The following DSCAM variants were observed in gnomAD, a reference collection of about 807,000 sequenced individuals.
The protein encoded by DSCAM is DS cell adhesion molecule.
A neutral mutation model predicts 217.7 loss-of-function variants in DSCAM; 47 were observed. The ratio of observed to expected loss-of-function variants is 0.22; its 90% CI spans 0.17 to 0.28. DSCAM has a LOEUF of 0.28. Ranked by LOEUF, DSCAM falls within the 10% of genes least tolerant of loss-of-function variation. DSCAM has a pLI of 1.00. For missense variants in DSCAM, 2,080 were observed against 2,618.3 expected (o/e 0.79, Z 4.49); for synonymous variants, 1,056 against 1,015.3 (o/e 1.04, Z -0.76).
At chr21:40,074,677 C>A (rs1407357783) in intron 27 of DSCAM, among the ~76,000 whole-genome samples, 1 of 152,182 alleles carries the variant, frequency 6.6e-6, no homozygotes, top group Non-Finnish European at 1.5e-5. Flanking sequence ...AATTCTCATT[C>A]CCAGAGCAAA....
At chr21:40,321,063 T>C (rs1237629916) in intron 8 of DSCAM, among the ~76,000 whole-genome samples, 4 of 152,192 alleles carry the variant, frequency 2.6e-5, no homozygotes, top group African/African-American at 9.7e-5. Context: ...AATTATGAGA[T>C]TGAAAACCAT....
At chr21:40,554,255 A>G (rs75837003) in intron 3 of DSCAM, among the ~76,000 whole-genome samples, 1,816 of 151,370 alleles carry the variant, frequency 0.012, 33 homozygotes, top group African/African-American at 0.041. Context: ...AAAACATTTT[A>G]GAACATAACT....
At chr21:40,169,883 G>A (rs974190068) in intron 15 of DSCAM, among the ~76,000 whole-genome samples, 1 of 151,842 alleles carries the variant, frequency 6.6e-6, no homozygotes, top group African/African-American at 2.4e-5. Context: ...CGTCCTTATG[G>A]GGATCCCTAT....
At chr21:40,112,062 G>A (rs184725409) in intron 20 of DSCAM, among the ~76,000 whole-genome samples, 126 of 150,850 alleles carry the variant, frequency 8.4e-4, no homozygotes, top group African/African-American at 2.5e-3. Flanking sequence ...TGCACCAAGC[G>A]GACCTAATAG....
Position 40,593,095 on chromosome 21 carries a change from GAAACCTGTT to G in DSCAM, c.508+99706_508+99714del, listed in dbSNP as rs1174436583. On this transcript the variant is annotated intron_variant, in intron 3 of 32. Coordinates refer to ENST00000400454, the MANE Select transcript of DSCAM (RefSeq NM_001389.5). ...TAAACTGAAGTGTGGTACTGCCTTAGAAACCTGTTAACTTAAACTACACTATTTAAGAGT... is the reference window on the plus strand; with the variant it reads ...TAAACTGAAGTGTGGTACTGCCTTAGAACTTAAACTACACTATTTAAGAGT... Among the ~76,000 whole-genome samples, 3 of 152,180 alleles carry G rather than the reference GAAACCTGTT, an allele frequency of 2.0e-5. No homozygotes were observed. The East Asian group carries it at 5.8e-4, about 29-fold the overall frequency.
intron 3 of DSCAM, among the ~76,000 whole-genome samples, chr21:40,599,445 G>A (rs1354434418): frequency 6.6e-6 from 1 of 152,048 alleles, no homozygotes; most frequent in African/African-American, 2.4e-5. Flanking sequence ...ATTGTTCTGG[G>A]ACACAGCTAA....
chr21:40,429,549 T>C (rs1241322626), intron 3 of DSCAM, among the ~76,000 whole-genome samples: 1 of 152,236 alleles, frequency 6.6e-6, no homozygotes, highest in African/African-American at 2.4e-5. Flanking sequence ...ATTACAGGCA[T>C]GAGCCACCAA....
At chr21:40,564,179 C>A (rs1371569090) in intron 3 of DSCAM, among the ~76,000 whole-genome samples, 2 of 152,162 alleles carry the variant, frequency 1.3e-5, no homozygotes, top group Admixed American at 6.5e-5. Context: ...TTGGTAGTTT[C>A]TTTTCCTTAA....
chr21:40,141,261 G>A (rs564273869), intron 18 of DSCAM, among the ~76,000 whole-genome samples: 25 of 152,258 alleles, frequency 1.6e-4, no homozygotes, highest in African/African-American at 4.8e-4. Context: ...GTCCTTGACC[G>A]CATTTGCCCA....
intron 11 of DSCAM, among the ~76,000 whole-genome samples, chr21:40,192,150 C>T (rs1384958116): frequency 2.0e-5 from 3 of 152,146 alleles, no homozygotes; most frequent in Non-Finnish European, 2.9e-5. Flanking sequence ...AAAGCATTTA[C>T]ATTACCCCAA....
At chr21:40,572,262 A>G (rs2076814167) in intron 3 of DSCAM, among the ~76,000 whole-genome samples, 1 of 152,194 alleles carries the variant, frequency 6.6e-6, no homozygotes, top group African/African-American at 2.4e-5. Flanking sequence ...AAAGTTTAGT[A>G]TAATTGAAAA....
At position 40,266,803 on chromosome 21, in the gene DSCAM, C is replaced by T. The variant is rs868245230; in HGVS notation, c.2356+9294G>A. Among the ~76,000 whole-genome samples, 63 of 83,618 alleles carry T rather than the reference C, an allele frequency of 7.5e-4. 1 individual carries two copies. Among genetic ancestry groups the T allele is most frequent in the South Asian group, 2.4e-3 (6 of 2,460 alleles). The allele number at this position is 83,618 out of a possible 152,430, so 54.9% of individuals were successfully genotyped here. On this transcript the variant is annotated intron_variant, in intron 11 of 32. Coordinates refer to ENST00000400454, the MANE Select transcript of DSCAM (RefSeq NM_001389.5). Reference sequence around the variant, plus strand: ...ATATATATATATATATATATATACACACACACACACCCCCACACACATCGT... The same window carrying T: ...ATATATATATATATATATATATACATACACACACACCCCCACACACATCGT...
chr21:40,327,558 C>G (rs1014434566), intron 8 of DSCAM, among the ~76,000 whole-genome samples: 1 of 150,944 alleles, frequency 6.6e-6, no homozygotes, highest in Non-Finnish European at 1.5e-5. Flanking sequence ...TGCCTAATTG[C>G]TTTGGCTGAG....
At chr21:40,065,560 C>T (rs993108517) in intron 27 of DSCAM, among the ~76,000 whole-genome samples, 3 of 152,180 alleles carry the variant, frequency 2.0e-5, no homozygotes, top group African/African-American at 4.8e-5. Flanking sequence ...TACACATATT[C>T]TCTGTCTGCA....
chr21:40,786,615 T>C (rs1302144813), intron 1 of DSCAM, among the ~76,000 whole-genome samples: 1 of 152,192 alleles, frequency 6.6e-6, no homozygotes, highest in Non-Finnish European at 1.5e-5. Context: ...GGCATCTTCA[T>C]GCTAAGTGAA....
At chr21:40,310,818 T>C (rs1251655644) in intron 9 of DSCAM, among the ~76,000 whole-genome samples, 2 of 152,194 alleles carry the variant, frequency 1.3e-5, no homozygotes, top group Non-Finnish European at 2.9e-5. Context: ...CTTTCAAAAT[T>C]TGGGAAAAAA....
intron 1 of DSCAM, among the ~76,000 whole-genome samples, chr21:40,711,391 G>C (rs1012337229): frequency 2.6e-5 from 4 of 152,178 alleles, no homozygotes; most frequent in African/African-American, 9.7e-5. Context: ...ATTTACAAAG[G>C]TGATTGGACT....
intron 3 of DSCAM, among the ~76,000 whole-genome samples, chr21:40,559,152 A>G (rs543406367): frequency 6.8e-6 from 1 of 146,324 alleles, no homozygotes; most frequent in African/African-American, 2.4e-5. Flanking sequence ...GCACATTTGG[A>G]AGAATGAATT....
intron 1 of DSCAM, among the ~76,000 whole-genome samples, chr21:40,734,613 TGTCGGAGA>T (rs2091044731): frequency 1.3e-5 from 2 of 152,144 alleles, no homozygotes; most frequent in Admixed American, 1.3e-4. Flanking sequence ...TAAATCCAAT[TGTCGGAGA>T]GGTCTACAGA....
Sources: gnomAD v4.1 joint callset for allele counts (sites outside exome capture counted in the v4.1 genomes callset) on GRCh38, gnomAD v4.1.1 for gene constraint, MANE v1.5 for transcripts, NCBI Gene and HGNC (gene_info 2026-07-23, HGNC 2026-07-21) for gene names.